The following KAZN variants were observed in gnomAD, a reference collection of about 807,000 sequenced individuals.
The protein encoded by KAZN is kazrin.
Under a neutral mutation model 87.4 loss-of-function variants are expected in KAZN, and 40 were observed. The ratio of observed to expected loss-of-function variants is 0.46; its 90% CI spans 0.36 to 0.60. The LOEUF is 0.60. Ranked by LOEUF, KAZN falls within the 20% of genes least tolerant of loss-of-function variation. KAZN has a pLI of 0.00. For missense variants in KAZN, 898 were observed against 1,073.9 expected, an observed-to-expected ratio of 0.84 and a Z score of 2.29; for synonymous variants, 466 against 458.3, an observed-to-expected ratio of 1.02 and a Z score of -0.22.
At chr1:14,941,953 G>A (rs990628432) in intron 1 of KAZN, among the ~76,000 whole-genome samples, 1 of 152,204 alleles carries the variant, frequency 6.6e-6, no homozygotes, top group Non-Finnish European at 1.5e-5. Flanking sequence ...ACCGCTGGAG[G>A]TGGGGTGACC....
At chr1:14,072,694 GC>G (rs2101562503) in intron 1 of KAZN, among the ~76,000 whole-genome samples, 1 of 152,294 alleles carries the variant, frequency 6.6e-6, no homozygotes, top group East Asian at 1.9e-4. Context: ...TTGAGTCCTA[GC>G]TTTAGTTCCA....
chr1:14,886,886 T>A (rs1169851929), intron 1 of KAZN, among the ~76,000 whole-genome samples: 2 of 152,234 alleles, frequency 1.3e-5, no homozygotes, highest in East Asian at 3.9e-4. Flanking sequence ...GTTTATTTAG[T>A]CGTTAAGAGC....
In KAZN at chr1:14,642,332, G is replaced by A. The variant is rs957781144; in HGVS notation, c.226+43109G>A. Among the ~76,000 whole-genome samples the A allele has an allele frequency of 3.9e-5, 6 of 152,272 alleles. No individual in the cohort carries two copies. The East Asian group carries it at 1.2e-3, about 29-fold the overall frequency. ...GGAGAATTGCTTGAACCCGGGAGGC[G>A]GAGGTTGCAGTGAGCTGAGATCACG... On this transcript the variant is annotated intron_variant, in intron 1 of 14. Coordinates refer to ENST00000376030, the MANE Select transcript of KAZN (RefSeq NM_201628.3).
intron 4 of KAZN, among the ~76,000 whole-genome samples, chr1:15,049,307 G>A (rs546144097): frequency 4.5e-4 from 69 of 152,354 alleles, no homozygotes; most frequent in African/African-American, 1.6e-3. Context: ...CGCTGCTGAC[G>A]AGCGCGGCTT....
At chr1:14,519,687 CAG>C (rs2148462070) in intron 2 of KAZN, among the ~76,000 whole-genome samples, 1 of 152,242 alleles carries the variant, frequency 6.6e-6, no homozygotes, top group South Asian at 2.1e-4. Flanking sequence ...AGAGGGAAAA[CAG>C]AGAAAATGTG....
chr1:14,587,299 G>T (rs1675910904), intron 2 of KAZN, among the ~76,000 whole-genome samples: 1 of 151,938 alleles, frequency 6.6e-6, no homozygotes, highest in South Asian at 2.1e-4. Context: ...ATCCGGGTGT[G>T]GTGGCATGCA....
chr1:14,672,750 G>A (rs1639987712), intron 1 of KAZN, among the ~76,000 whole-genome samples: 1 of 152,208 alleles, frequency 6.6e-6, no homozygotes, highest in South Asian at 2.1e-4. Flanking sequence ...TTGCTTTGCG[G>A]AGACAGCAGC....
intron 2 of KAZN, among the ~76,000 whole-genome samples, chr1:14,977,423 A>C (rs10927611): frequency 6.6e-5 from 10 of 152,204 alleles, no homozygotes; most frequent in South Asian, 2.1e-4. Flanking sequence ...CGGAAGGTCA[A>C]CGTGCCCCGA....
intron 2 of KAZN, among the ~76,000 whole-genome samples, chr1:14,242,180 GAGAA>G (rs1453555733): frequency 6.6e-6 from 1 of 152,282 alleles, no homozygotes; most frequent in Admixed American, 6.5e-5. Context: ...TTAAATAGTG[GAGAA>G]AGAAAGAAAT....
At chr1:14,999,865 C>T (rs186226520) in intron 2 of KAZN, among the ~76,000 whole-genome samples, 57 of 152,306 alleles carry the variant, frequency 3.7e-4, no homozygotes, top group Non-Finnish European at 6.3e-4. Context: ...CTGCCCTGTC[C>T]GGCTTGACTT....
At chr1:14,321,305 C>A (rs952479493) in intron 2 of KAZN, among the ~76,000 whole-genome samples, 1 of 152,154 alleles carries the variant, frequency 6.6e-6, no homozygotes, top group South Asian at 2.1e-4. Flanking sequence ...CAGAACATTT[C>A]GTATCGCGAA....
intron 2 of KAZN, among the ~76,000 whole-genome samples, chr1:14,522,260 C>T (rs1194293637): frequency 6.6e-6 from 1 of 152,146 alleles, no homozygotes; most frequent in East Asian, 1.9e-4. Context: ...TGTAACTGAC[C>T]TAACTTAAAG....
At chr1:14,253,403 T>C (rs1650227163) in intron 2 of KAZN, among the ~76,000 whole-genome samples, 1 of 152,220 alleles carries the variant, frequency 6.6e-6, no homozygotes, top group Non-Finnish European at 1.5e-5. Context: ...GAAGTGTTCA[T>C]CACATAAGGT....
At chr1:14,298,185 A>G (rs1369253973) in intron 2 of KAZN, among the ~76,000 whole-genome samples, 4 of 152,192 alleles carry the variant, frequency 2.6e-5, no homozygotes, top group African/African-American at 9.7e-5. Context: ...TGTTCATGCT[A>G]CTGCACTCCA....
At chr1:14,202,715 A>G (rs1203307801) in intron 2 of KAZN, among the ~76,000 whole-genome samples, 4 of 152,184 alleles carry the variant, frequency 2.6e-5, no homozygotes, top group African/African-American at 9.7e-5. Context: ...TCACTATGCT[A>G]GATATTTTCA....
At chr1:14,058,150 C>T (rs1642651705) in intron 1 of KAZN, among the ~76,000 whole-genome samples, 1 of 152,152 alleles carries the variant, frequency 6.6e-6, no homozygotes, top group African/African-American at 2.4e-5. Flanking sequence ...CTCTCCCCTC[C>T]CTCCACCTTC....
At chr1:14,418,164 A>G (rs1341443375) in intron 2 of KAZN, among the ~76,000 whole-genome samples, 1 of 152,096 alleles carries the variant, frequency 6.6e-6, no homozygotes, top group Admixed American at 6.6e-5. Context: ...ATTTCTAAGA[A>G]TAAGAACCTT....
chr1:14,433,265 G>A (rs543045192), intron 2 of KAZN, among the ~76,000 whole-genome samples: 2 of 152,208 alleles, frequency 1.3e-5, no homozygotes, highest in South Asian at 4.2e-4. Flanking sequence ...ACCCCCCACA[G>A]AGACAACTGC....
chr1:14,971,633 G>T (rs1390190314), intron 2 of KAZN, among the ~76,000 whole-genome samples: 1 of 151,214 alleles, frequency 6.6e-6, no homozygotes, highest in Non-Finnish European at 1.5e-5. Context: ...TCTTTCAGAG[G>T]CCCCCTTCCC....
Sources: allele counts gnomAD v4.1 joint callset (sites outside exome capture counted in the v4.1 genomes callset), GRCh38; gene constraint gnomAD v4.1.1; transcripts MANE v1.5; gene names NCBI Gene and HGNC (gene_info 2026-07-23, HGNC 2026-07-21).